Variants in PCSK6 observed in about 807,000 individuals in gnomAD.
The protein encoded by PCSK6 is proprotein convertase subtilisin/kexin type 6.
PCSK6 carries 85 observed loss-of-function variants against 123.3 expected under a neutral mutation model. The observed-to-expected ratio is 0.69, with a 90% CI of 0.58 to 0.83. PCSK6 has a LOEUF of 0.83. Among genes scored for constraint, PCSK6 ranks in the 40% least tolerant of loss-of-function variants. The pLI is 0.00. For missense variants in PCSK6, 1,191 were observed against 1,282.3 expected (o/e 0.93, Z 1.09); for synonymous variants, 508 against 516.0 (o/e 0.98, Z 0.21).
Position 101,320,076 on chromosome 15 carries a change from TTTATTTATTTA to T in PCSK6, c.2466-1665_2466-1655del, listed in dbSNP as rs2040082271. Among the ~76,000 whole-genome samples the T allele has an allele frequency of 2.0e-5, 3 of 150,708 alleles. No homozygotes were observed. The South Asian group carries it at 6.2e-4, about 31-fold the overall frequency. Reference sequence around the variant, plus strand: ...ATCTAGTAGCGTCAGAATTGAGCTATTTATTTATTTATTATTTATTTATTTTTGAGACAGGA... The same window carrying T: ...ATCTAGTAGCGTCAGAATTGAGCTATTTATTTATTTATTTTTGAGACAGGA... On this transcript the variant is annotated intron_variant, in intron 18 of 21. Transcript: ENST00000611716.
chr15:101,340,205 C>A lies in PCSK6; in HGVS notation c.1859-8174G>T, dbSNP rs1267822877. On this transcript the variant is annotated intron_variant, in intron 13 of 21. Transcript: ENST00000611716. ...CACAAGGCACCCATAACATGCACACCCACACTCACGTACTTACCTGAGCAC... is the reference window on the plus strand; with the variant it reads ...CACAAGGCACCCATAACATGCACACACACACTCACGTACTTACCTGAGCAC... Among the ~76,000 whole-genome samples, 3 of 152,100 alleles carry A rather than the reference C, an allele frequency of 2.0e-5. No homozygotes were observed. The East Asian group carries it at 5.8e-4, about 29-fold the overall frequency.
chr15:101,459,412 G>A lies in PCSK6; in HGVS notation c.298-15752C>T, dbSNP rs74032896. On this transcript the variant is annotated intron_variant, in intron 1 of 21. Coordinates refer to ENST00000611716, the MANE Select transcript of PCSK6 (RefSeq NM_002570.5). ...AAATCCAGGCCCACCCAGTTCTCCC[G>A]GCTTGCTCCGCGTCTCCTCTCCCTA... is the stretch of plus-strand genomic sequence containing the variant. Among the ~76,000 whole-genome samples the A allele has an allele frequency of 4.3e-3, 655 of 151,760 alleles. 8 individuals are homozygous for A. The highest frequency in any genetic ancestry group is 0.014 in the African/African-American group (584 of 41,338).
rs140268985 is a variant in PCSK6 at position 101,305,402 on chromosome 15, C to T, written c.2813-47G>A. On this transcript the variant is annotated intron_variant, in intron 21 of 21. Transcript: ENST00000611716. The surrounding 1 kb of genome is among the most constrained non-coding windows in gnomAD (Gnocchi z 4.8). The stretch of plus-strand genomic sequence containing the variant: ...GGCAAAAGAGGGAAAGGTCAGTCTT[C>T]GGTGCCTGTGAAGATTGTTTCAAGG... 95 of 1,508,724 alleles carry T rather than the reference C, an allele frequency of 6.3e-5. No individual in the cohort carries two copies. The African/African-American group carries it at 1.0e-3, about 16-fold the overall frequency. The allele number at this position is 1,508,724 out of a possible 1,614,324, so 93.5% of individuals were successfully genotyped here. A position where few individuals can be genotyped will look rare whatever the true frequency, so the allele number is the denominator to read the frequency against.
Position 101,326,627 on chromosome 15 carries a change from G to A in PCSK6, c.2078-148C>T, listed in dbSNP as rs917261638. 1.8e-5 allele frequency: 13 copies of A among 709,976 alleles called. No homozygotes were observed. In the Admixed American group the frequency reaches 2.3e-4, roughly 12 times the overall value. The allele number at this position is 709,976 out of a possible 1,614,324, so 44.0% of individuals were successfully genotyped here. On this transcript the variant is annotated intron_variant, in intron 15 of 21. Coordinates refer to ENST00000611716, the MANE Select transcript of PCSK6 (RefSeq NM_002570.5). Reference sequence around the variant, plus strand: ...TGGGGCTGGACGGCCAGACGACAAGGCGGGAGCAGCCGTCCCTGCGGGTAA... The same window carrying A: ...TGGGGCTGGACGGCCAGACGACAAGACGGGAGCAGCCGTCCCTGCGGGTAA...
intron 1 of PCSK6, among the ~76,000 whole-genome samples, chr15:101,480,363 C>T (rs565257054): frequency 3.1e-4 from 48 of 152,388 alleles, no homozygotes; most frequent in African/African-American, 1.2e-3. Context: ...CTGCGGGGCC[C>T]TGTGGAGCGC....
chr15:101,314,853 T>C (rs936974378), intron 19 of PCSK6, among the ~76,000 whole-genome samples: 1 of 152,222 alleles, frequency 6.6e-6, no homozygotes, highest in Non-Finnish European at 1.5e-5. Context: ...GGCGGGACTC[T>C]GTCTGGTTTA....
At chr15:101,362,843 C>G (rs1186853294) in intron 13 of PCSK6, among the ~76,000 whole-genome samples, 1 of 152,260 alleles carries the variant, frequency 6.6e-6, no homozygotes, top group African/African-American at 2.4e-5. Flanking sequence ...CCAGTCTTAA[C>G]CACTGCACCC....
intron 20 of PCSK6, among the ~76,000 whole-genome samples, chr15:101,310,725 C>A (rs1165790879): frequency 6.6e-6 from 1 of 151,982 alleles, no homozygotes; most frequent in African/African-American, 2.4e-5. Context: ...GGTGGTCCCT[C>A]ATGGGCTCAC....
At chr15:101,441,122 AG>A (rs1202096068) in intron 2 of PCSK6, among the ~76,000 whole-genome samples, 2 of 152,198 alleles carry the variant, frequency 1.3e-5, no homozygotes, top group African/African-American at 4.8e-5. Flanking sequence ...GAGCTTATTA[AG>A]AAGCTCTGTG....
intron 8 of PCSK6, among the ~76,000 whole-genome samples, chr15:101,392,160 T>C (rs1454262941): frequency 6.6e-6 from 1 of 152,222 alleles, no homozygotes; most frequent in Non-Finnish European, 1.5e-5. Flanking sequence ...GTCTGTCTAA[T>C]AAGACCCTAG....
At chr15:101,419,647 G>A (rs573128733) in intron 6 of PCSK6, among the ~76,000 whole-genome samples, 2 of 151,712 alleles carry the variant, frequency 1.3e-5, no homozygotes, top group South Asian at 4.2e-4. Flanking sequence ...GAGAAAATTT[G>A]CCCTATCAGT....
intron 20 of PCSK6, among the ~76,000 whole-genome samples, chr15:101,311,016 A>T (rs1319179915): frequency 6.6e-6 from 1 of 152,098 alleles, no homozygotes; most frequent in African/African-American, 2.4e-5. Flanking sequence ...TGTTTGGATC[A>T]TGGGGTGGAT....
In PCSK6 at chr15:101,326,380, C is replaced by A. The variant is rs1478159203; in HGVS notation, c.2177G>T (p.Ser726Ile). The A allele has an allele frequency of 6.4e-7, 1 of 1,568,686 alleles. No individual in the cohort carries two copies. Among genetic ancestry groups the A allele is most frequent in the Admixed American group, 1.9e-5 (1 of 53,596 alleles). The change falls in exon 16 of 22, where the codon AGC becomes ATC. Residue 726 changes from serine (S) to isoleucine (I), a missense_variant. By Grantham distance (142) the Ser-to-Ile change is moderately radical (BLOSUM62 -2). Transcript: ENST00000611716. ...VHFSLGSVKT[S>I]RKCVSVCPLG... ...AGGGCTGCGGGACATGCATTACCTG[C>A]TGGTCTTGACACTCCCCAGGCTGAA...
intron 11 of PCSK6, among the ~76,000 whole-genome samples, chr15:101,377,185 C>T (rs533679004): frequency 2.1e-4 from 17 of 79,828 alleles, no homozygotes; most frequent in African/African-American, 3.3e-4. Context: ...GCAGATGAGA[C>T]GCCAGCAGCT....
intron 1 of PCSK6, among the ~76,000 whole-genome samples, chr15:101,474,053 T>C (rs1443742873): frequency 6.6e-6 from 1 of 152,244 alleles, no homozygotes; most frequent in African/African-American, 2.4e-5. Context: ...GAACCGTGTA[T>C]AAGACTGTTA....
chr15:101,462,406 T>C (rs1451070121), intron 1 of PCSK6, among the ~76,000 whole-genome samples: 1 of 152,256 alleles, frequency 6.6e-6, no homozygotes, highest in African/African-American at 2.4e-5. Context: ...CCAACAGCTT[T>C]TGTTTTGTGG....
At chr15:101,321,823 C>T (rs183081790) in intron 18 of PCSK6, among the ~76,000 whole-genome samples, 27 of 152,360 alleles carry the variant, frequency 1.8e-4, no homozygotes, top group African/African-American at 4.3e-4. Context: ...CCTTCCAGTG[C>T]GGACCATGGT....
intron 7 of PCSK6, among the ~76,000 whole-genome samples, chr15:101,395,630 T>C (rs2042388829): frequency 6.6e-6 from 1 of 152,222 alleles, no homozygotes. Context: ...AGTGGCTTCA[T>C]GGAAGCCATG....
intron 1 of PCSK6, among the ~76,000 whole-genome samples, chr15:101,462,185 T>A (rs776605229): frequency 6.6e-6 from 1 of 152,192 alleles, no homozygotes; most frequent in Non-Finnish European, 1.5e-5. Flanking sequence ...CAACTGCACG[T>A]CTATATACTA....
Sources: gnomAD v4.1 joint callset for allele counts (sites outside exome capture counted in the v4.1 genomes callset) on GRCh38, gnomAD v4.1.1 for gene constraint, Gnocchi (gnomAD v3.1) non-coding constraint, MANE v1.5 for transcripts, NCBI Gene and HGNC (gene_info 2026-07-23, HGNC 2026-07-21) for gene names.